Variants in ZFHX3 observed in about 807,000 individuals in gnomAD.
ZFHX3 encodes zinc finger homeobox protein 3.
A neutral mutation model predicts 279.1 loss-of-function variants in ZFHX3; 42 were observed. The ratio of observed to expected loss-of-function variants is 0.15; its 90% CI spans 0.12 to 0.19. ZFHX3 has a LOEUF of 0.19. Among genes scored for constraint, ZFHX3 ranks in the 10% least tolerant of loss-of-function variants. The pLI is 1.00. For synonymous variants in ZFHX3, 2,293 were observed against 1,957.8 expected, an observed-to-expected ratio of 1.17 and a Z score of -4.52; for missense variants, 4,981 against 4,754.0, an observed-to-expected ratio of 1.05 and a Z score of -1.40.
At chr16:73,431,992 C>T (rs1392642334) in intron 3 of ZFHX3, among the ~76,000 whole-genome samples, 1 of 152,158 alleles carries the variant, frequency 6.6e-6, no homozygotes, top group South Asian at 2.1e-4. Flanking sequence ...GTGTTGCTCT[C>T]TTATACCAAG....
intron 2 of ZFHX3, among the ~76,000 whole-genome samples, chr16:73,557,189 G>A (rs543583984): frequency 6.1e-4 from 92 of 151,722 alleles, no homozygotes; most frequent in Non-Finnish European, 9.6e-4. Context: ...TGGTGTGGCC[G>A]GGCCTTTTGC....
At chr16:72,880,357 G>A (rs1164416571) in intron 4 of ZFHX3, among the ~76,000 whole-genome samples, 1 of 152,160 alleles carries the variant, frequency 6.6e-6, no homozygotes, top group African/African-American at 2.4e-5. Flanking sequence ...ACTGGAGACA[G>A]GACTTTTAAG....
chr16:73,553,097 G>A (rs2020224956), intron 2 of ZFHX3, among the ~76,000 whole-genome samples: 1 of 152,014 alleles, frequency 6.6e-6, no homozygotes. Flanking sequence ...TTGCTCATTG[G>A]CTCCATGAGA....
At chr16:72,798,866 C>T (rs1054179189) in intron 8 of ZFHX3, 152 bp from the exon 9 acceptor site, 10 of 1,358,770 alleles carry the variant, frequency 7.4e-6, no homozygotes, top group South Asian at 1.8e-5. Flanking sequence ...CTCTGCGGAG[C>T]GCCTCCTGCT....
intron 3 of ZFHX3, among the ~76,000 whole-genome samples, chr16:73,422,673 C>T (rs928659096): frequency 1.3e-5 from 2 of 152,200 alleles, no homozygotes; most frequent in African/African-American, 4.8e-5. Context: ...CATTTCCTCT[C>T]AAATACTCAT....
At chr16:72,842,299 C>G (rs2037363510) in intron 4 of ZFHX3, among the ~76,000 whole-genome samples, 1 of 152,122 alleles carries the variant, frequency 6.6e-6, no homozygotes, top group South Asian at 2.1e-4. Flanking sequence ...CTCACTGCAG[C>G]CTTAGCCTCC....
intron 1 of ZFHX3, among the ~76,000 whole-genome samples, chr16:73,723,551 C>T (rs917329970): frequency 6.6e-6 from 1 of 151,810 alleles, no homozygotes; most frequent in Admixed American, 6.6e-5. Context: ...AAACAAAATA[C>T]AATTAGAAAA....
At chr16:73,455,864 C>T (rs921777395) in intron 3 of ZFHX3, 5 of 151,874 alleles carry the variant, frequency 3.3e-5, no homozygotes, top group South Asian at 2.1e-4. Context: ...TTGGTACGCG[C>T]TCCCAGCATT....
chr16:72,913,982 C>T (rs2039381172), intron 3 of ZFHX3, among the ~76,000 whole-genome samples: 1 of 152,196 alleles, frequency 6.6e-6, no homozygotes, highest in Non-Finnish European at 1.5e-5. Context: ...TACAACAATC[C>T]TCCCAAATGA....
At chr16:73,237,546 T>A (rs2012990691) in intron 5 of ZFHX3, among the ~76,000 whole-genome samples, 1 of 148,524 alleles carries the variant, frequency 6.7e-6, no homozygotes, top group Non-Finnish European at 1.5e-5. Flanking sequence ...TTTTTTTTTT[T>A]TTTTTGGAGA....
intron 7 of ZFHX3, among the ~76,000 whole-genome samples, chr16:73,129,698 A>G (rs1966640485): frequency 7.1e-6 from 1 of 141,520 alleles, no homozygotes; most frequent in Non-Finnish European, 1.5e-5. Context: ...GCGCATGTGC[A>G]TGTGTGTGCA....
Position 73,881,453 on chromosome 16 carries a change from A to ACTCTCT in ZFHX3, c.-1608+10192_-1608+10197dup, listed in dbSNP as rs368431262. On this transcript the variant is annotated intron_variant, in intron 1 of 17. Coordinates refer to the ZFHX3 transcript ENST00000641206. Reference sequence around the variant, plus strand: ...CACACTCACACACACACACACACACACTCTCTCTCTCTCTCTCTCTCTCTC... The same window carrying ACTCTCT: ...CACACTCACACACACACACACACACACTCTCTCTCTCTCTCTCTCTCTCTCTCTCTC... Among the ~76,000 whole-genome samples, 7 of 39,028 alleles carry ACTCTCT rather than the reference A, an allele frequency of 1.8e-4. 1 individual carries two copies. The highest frequency in any genetic ancestry group is 3.6e-4 in the African/African-American group (4 of 10,970). 25.6% of individuals were successfully genotyped at this position (39,028 alleles called of 152,430 possible).
intron 5 of ZFHX3, among the ~76,000 whole-genome samples, chr16:73,194,395 T>C (rs1454742410): frequency 6.6e-6 from 1 of 152,088 alleles, no homozygotes; most frequent in Non-Finnish European, 1.5e-5. Flanking sequence ...AGATGGGGTT[T>C]CACCATGTTA....
chr16:72,837,474 AT>A (rs761762599), intron 4 of ZFHX3, among the ~76,000 whole-genome samples: 2,604 of 125,178 alleles, frequency 0.021, 42 homozygotes, highest in African/African-American at 0.054. Context: ...TCCAATGATG[AT>A]TTTTTTTTTT....
chr16:73,689,561 C>A (rs2053125705), intron 1 of ZFHX3, among the ~76,000 whole-genome samples: 1 of 152,162 alleles, frequency 6.6e-6, no homozygotes, highest in African/African-American at 2.4e-5. Context: ...CCCACTCATT[C>A]CACATCTAAA....
At chr16:73,521,623 G>C (rs1396569295) in intron 2 of ZFHX3, among the ~76,000 whole-genome samples, 1 of 152,174 alleles carries the variant, frequency 6.6e-6, no homozygotes, top group East Asian at 1.9e-4. Context: ...AGAAAATGTA[G>C]TGAACGTAGA....
At chr16:73,387,949 C>A (rs1422158147) in intron 3 of ZFHX3, among the ~76,000 whole-genome samples, 1 of 151,850 alleles carries the variant, frequency 6.6e-6, no homozygotes, top group African/African-American at 2.4e-5. Context: ...TTTAAACGCT[C>A]TGCCAAGCTG....
At chr16:72,901,063 T>C (rs1212363600) in intron 3 of ZFHX3, among the ~76,000 whole-genome samples, 8 of 152,192 alleles carry the variant, frequency 5.3e-5, no homozygotes, top group Non-Finnish European at 1.2e-4. Flanking sequence ...ACTGGCCTGC[T>C]CCAGATACTT....
intron 3 of ZFHX3, among the ~76,000 whole-genome samples, chr16:73,388,572 G>A (rs1402265191): frequency 6.6e-6 from 1 of 152,160 alleles, no homozygotes; most frequent in African/African-American, 2.4e-5. Flanking sequence ...GCTCCATGGA[G>A]GGCTATCCCT....
Sources: gnomAD v4.1 joint callset for allele counts (sites outside exome capture counted in the v4.1 genomes callset) on GRCh38, gnomAD v4.1.1 for gene constraint, MANE v1.5 for transcripts, NCBI Gene and HGNC (gene_info 2026-07-23, HGNC 2026-07-21) for gene names.